PTPRN2: variants seen among roughly 807,000 people sequenced by gnomAD.
PTPRN2 encodes receptor-type tyrosine-protein phosphatase N2.
In PTPRN2, 74 loss-of-function variants were observed where a neutral mutation model predicts 118.8. The ratio of observed to expected loss-of-function variants is 0.62; its 90% CI spans 0.52 to 0.76. The LOEUF (loss-of-function observed/expected upper bound fraction) is 0.76. PTPRN2 is among the 30% of genes least tolerant of loss of function. The probability of loss-of-function intolerance (pLI) is 0.00; values close to 1 mark genes in which losing one functional copy is unlikely to be tolerated. For synonymous variants in PTPRN2, 641 were observed against 608.0 expected (o/e 1.05, Z -0.80); for missense variants, 1,481 against 1,394.4 (o/e 1.06, Z -0.99).
intron 12 of PTPRN2, among the ~76,000 whole-genome samples, chr7:157,683,207 T>C (rs1215994847): frequency 6.6e-6 from 1 of 152,212 alleles, no homozygotes; most frequent in Non-Finnish European, 1.5e-5. Context: ...TTTTTCAAAT[T>C]TATGTAACGT....
intron 2 of PTPRN2, among the ~76,000 whole-genome samples, chr7:158,486,856 T>C (rs781217935): frequency 3.3e-5 from 5 of 152,208 alleles, no homozygotes; most frequent in Non-Finnish European, 7.4e-5. Flanking sequence ...ACACTGTTGA[T>C]CAGTCATCAC....
chr7:158,199,769 C>T (rs1826487715), intron 4 of PTPRN2, among the ~76,000 whole-genome samples: 1 of 151,836 alleles, frequency 6.6e-6, no homozygotes, highest in Non-Finnish European at 1.5e-5. Flanking sequence ...ATTTATCCAA[C>T]AAATGCTGGC....
intron 1 of PTPRN2, among the ~76,000 whole-genome samples, chr7:158,543,206 C>T (rs1826089570): frequency 6.6e-6 from 1 of 152,244 alleles, no homozygotes; most frequent in South Asian, 2.1e-4. Flanking sequence ...CTGCAGACAG[C>T]ACCCCCGAGC....
intron 17 of PTPRN2, among the ~76,000 whole-genome samples, chr7:157,582,727 A>AT (rs1800461420): frequency 6.6e-6 from 1 of 151,942 alleles, no homozygotes; most frequent in African/African-American, 2.4e-5. Flanking sequence ...TACAAAAATT[A>AT]GCCGGGTATC....
intron 6 of PTPRN2, among the ~76,000 whole-genome samples, chr7:158,142,119 C>T (rs1445742811): frequency 6.6e-6 from 1 of 152,228 alleles, no homozygotes; most frequent in African/African-American, 2.4e-5. Context: ...CTGGGGGCTG[C>T]CCCTCCCACG....
chr7:158,122,713 G>C (rs137893824), intron 9 of PTPRN2, among the ~76,000 whole-genome samples: 2 of 152,276 alleles, frequency 1.3e-5, no homozygotes, highest in East Asian at 3.9e-4. Context: ...AGAAACTAAA[G>C]TCATTGCCCA....
intron 2 of PTPRN2, among the ~76,000 whole-genome samples, chr7:158,416,700 C>T (rs1469098844): frequency 5.9e-5 from 9 of 152,188 alleles, no homozygotes; most frequent in Admixed American, 5.2e-4. Flanking sequence ...AACAGACAGC[C>T]TGCTGGGAAA....
At position 158,427,985 on chromosome 7, in the gene PTPRN2, GCCTGCACAGCGCCGGGAAAGACGCAGA is replaced by G. The variant is rs1563281522; in HGVS notation, c.163+61723_163+61749del. Among the ~76,000 whole-genome samples the G allele has an allele frequency of 1.4e-4, 15 of 108,782 alleles. 2 individuals are homozygous for G. The highest frequency in any genetic ancestry group is 1.2e-3 in the South Asian group (4 of 3,430). 71.4% of individuals were successfully genotyped at this position (108,782 alleles called of 152,430 possible). ...GGGGTCCGAGACCAGCCTAGCTGAG[GCCTGCACAGCGCCGGGAAAGACGCAGA>G]GTCCGAGACCAGCCTAGCTGAGTCC... is the stretch of plus-strand genomic sequence containing the variant. On this transcript the variant is annotated intron_variant, in intron 2 of 22. Transcript: ENST00000389418.
At chr7:158,007,720 T>C (rs1004812567) in intron 11 of PTPRN2, among the ~76,000 whole-genome samples, 7 of 152,108 alleles carry the variant, frequency 4.6e-5, no homozygotes, top group African/African-American at 1.4e-4. Flanking sequence ...TATCTGGGTG[T>C]GTGCATTGCA....
intron 1 of PTPRN2, among the ~76,000 whole-genome samples, chr7:158,508,161 A>AGGGAGGTG (rs1822905455): frequency 6.7e-6 from 1 of 148,832 alleles, no homozygotes; most frequent in Non-Finnish European, 1.5e-5. Context: ...GGTGGGCAGA[A>AGGGAGGTG]GGCAGGTGGG....
intron 3 of PTPRN2, among the ~76,000 whole-genome samples, chr7:158,283,873 G>GAGAA (rs1563087219): frequency 6.6e-6 from 1 of 152,080 alleles, no homozygotes; most frequent in African/African-American, 2.4e-5. Context: ...GAATCACCAC[G>GAGAA]TCGTTCAGAA....
intron 22 of PTPRN2, 128 bp downstream of exon 22, chr7:157,548,818 C>T: frequency 1.0e-6 from 1 of 960,980 alleles, no homozygotes. Flanking sequence ...ATGGACGAGG[C>T]CGGTCAGAGC....
At chr7:157,718,892 G>T (rs1799083543) in intron 12 of PTPRN2, among the ~76,000 whole-genome samples, 1 of 152,162 alleles carries the variant, frequency 6.6e-6, no homozygotes, top group Admixed American at 6.5e-5. Context: ...TGTCGCTGTG[G>T]CCTCTCCGCC....
intron 6 of PTPRN2, among the ~76,000 whole-genome samples, chr7:158,164,982 CT>C (rs769368456): frequency 1.1e-4 from 10 of 92,834 alleles, no homozygotes; most frequent in Middle Eastern, 5.6e-3. Context: ...TGAAGACCCC[CT>C]GATAGCGTCC....
intron 3 of PTPRN2, among the ~76,000 whole-genome samples, chr7:158,286,566 A>T (rs918036546): frequency 6.6e-6 from 1 of 152,110 alleles, no homozygotes; most frequent in East Asian, 1.9e-4. Context: ...TTATTATGAG[A>T]GGATGTTGTG....
At position 157,784,280 on chromosome 7, in the gene PTPRN2, G is replaced by A. The variant is rs928046241; in HGVS notation, c.1789-101343C>T. Among the ~76,000 whole-genome samples, 2 of 152,140 alleles carry A rather than the reference G, an allele frequency of 1.3e-5. No homozygotes were observed. The highest frequency in any genetic ancestry group is 4.8e-5 in the African/African-American group (2 of 41,438). On this transcript the variant is annotated intron_variant, in intron 12 of 22. Transcript: ENST00000389418. The surrounding 1 kb of genome is among the most constrained non-coding windows in gnomAD (Gnocchi z 4.6). ...TAGGTCTCAGGAGGCCAAGTGGGGG[G>A]CCTGCCCCCACCTCTGGGGTCTCAG...
rs57941001 is a variant in PTPRN2, at chr7:157,725,260, G to GT, written c.1789-42324_1789-42323insA. On this transcript the variant is annotated intron_variant, in intron 12 of 22. Transcript: ENST00000389418. ...ACTGGATATCCACATGCAGAGGAGTGAGCCAGACCCTGGCCTCCCAGGAGA... is the reference window on the plus strand; with the variant it reads ...ACTGGATATCCACATGCAGAGGAGTGTAGCCAGACCCTGGCCTCCCAGGAGA... Among the ~76,000 whole-genome samples, 196 of 134,460 alleles carry GT rather than the reference G, an allele frequency of 1.5e-3. 9 individuals are homozygous for GT. The highest frequency in any genetic ancestry group is 6.9e-3 in the South Asian group (28 of 4,072). The allele number at this position is 134,460 out of a possible 152,430, so 88.2% of individuals were successfully genotyped here.
intron 12 of PTPRN2, among the ~76,000 whole-genome samples, chr7:157,783,054 C>G (rs1272552164): frequency 6.6e-6 from 1 of 152,192 alleles, no homozygotes; most frequent in Non-Finnish European, 1.5e-5. Context: ...CTCACAAGAT[C>G]TGACGGTTTT....
chr7:158,328,547 C>T (rs186402085), intron 2 of PTPRN2, among the ~76,000 whole-genome samples: 123 of 152,314 alleles, frequency 8.1e-4, no homozygotes, highest in Non-Finnish European at 1.0e-3. Context: ...TGGGGAGGAG[C>T]CCCACGTCCG....
Sources: gnomAD v4.1 joint callset for allele counts (sites outside exome capture counted in the v4.1 genomes callset) on GRCh38, gnomAD v4.1.1 for gene constraint, Gnocchi (gnomAD v3.1) non-coding constraint, MANE v1.5 for transcripts, NCBI Gene and HGNC (gene_info 2026-07-23, HGNC 2026-07-21) for gene names.